Variants in KLRF1 observed in about 807,000 individuals in gnomAD.
KLRF1 encodes killer cell lectin-like receptor subfamily F member 1.
In KLRF1, 27 loss-of-function variants were observed where a neutral mutation model predicts 30.7. The observed-to-expected ratio is 0.88, with a 90% confidence interval of 0.65 to 1.21. KLRF1 has a LOEUF of 1.21. KLRF1 is among the 50% of genes most tolerant of loss of function. KLRF1 has a pLI of 0.00. For missense variants in KLRF1, 246 were observed against 259.3 expected (o/e 0.95, Z 0.35); for synonymous variants, 92 against 89.3 (o/e 1.03, Z -0.17).
chr12:9,815,563 T>A, the KLRF1 span, among the ~76,000 whole-genome samples: 1 of 152,252 alleles, frequency 6.6e-6, no homozygotes, highest in Non-Finnish European at 1.5e-5. Flanking sequence ...TTCTTTTCTT[T>A]GACTCTGTCC....
chr12:9,834,635 A>C (rs1055833312), intron 3 of KLRF1, among the ~76,000 whole-genome samples: 1 of 152,122 alleles, frequency 6.6e-6, no homozygotes, highest in Non-Finnish European at 1.5e-5. Context: ...ACTAAACGGC[A>C]GATACAAGGT....
chr12:9,817,438 G>T, the KLRF1 span: 1 of 435,514 alleles, frequency 2.3e-6, no homozygotes, highest in South Asian at 1.9e-5. Context: ...AGACGGAGCT[G>T]TTAAACAGGT....
rs73245273 is a variant in KLRF1, at chr12:9,837,834, C to T, written c.335-3978C>T. On this transcript the variant is annotated intron_variant, in intron 3 of 5. Coordinates refer to ENST00000617889, the MANE Select transcript of KLRF1 (RefSeq NM_016523.3). ...CATAGAAACTCATGAAAAACAAACTCAGTTACATGTTGTCTGCTAATTCTA... is the reference window on the plus strand; with the variant it reads ...CATAGAAACTCATGAAAAACAAACTTAGTTACATGTTGTCTGCTAATTCTA... 5.2e-3 allele frequency among the ~76,000 whole-genome samples: 799 copies of T among 152,252 alleles called. 5 individuals are homozygous for T. Among genetic ancestry groups the T allele is most frequent in the African/African-American group, 0.017 (724 of 41,562 alleles).
chr12:9,843,130 T>C (rs1175193945), intron 5 of KLRF1, among the ~76,000 whole-genome samples: 1 of 152,140 alleles, frequency 6.6e-6, no homozygotes, highest in African/African-American at 2.4e-5. Context: ...ATCACAAGGG[T>C]CCTTAGAAGA....
At chr12:9,817,785 T>G in the KLRF1 span, 2 of 198,434 alleles carry the variant, frequency 1.0e-5, no homozygotes, top group Non-Finnish European at 2.3e-5. Context: ...CCACCACAGG[T>G]GCAGGCACTT....
In KLRF1 at chr12:9,842,368, G is replaced by A. The variant is rs1186511259; in HGVS notation, c.522G>A (p.Gly174=). The A allele has an allele frequency of 2.5e-6, 4 of 1,611,934 alleles. No individual in the cohort carries two copies. Among genetic ancestry groups the A allele is most frequent in the Non-Finnish European group, 2.5e-6 (3 of 1,178,596 alleles). Residue 174 remains glycine, a synonymous_variant, in exon 5 of 6, where the codon GGG becomes GGA. Transcript: ENST00000617889. ...NLRQLNYVWI[G]LNFTSLKMTW... ...GACAATTAAACTACGTATGGATTGG[G>A]CTTAACTTTACCTCCTTGAAAATGA...
chr12:9,832,448 T>A (rs2121205028), intron 2 of KLRF1, 34 bp downstream of exon 2: 1 of 1,147,780 alleles, frequency 8.7e-7, no homozygotes, highest in Non-Finnish European at 1.3e-6. Context: ...AATAAAAATA[T>A]GAAAGATGTT....
chr12:9,832,898 G>A (rs11053384), intron 2 of KLRF1, among the ~76,000 whole-genome samples: 12,762 of 152,086 alleles, frequency 0.084, 587 homozygotes, highest in African/African-American at 0.11. Flanking sequence ...GAAAAGAATA[G>A]TCAGGGTGAG....
At chr12:9,843,080 T>C (rs1377111372) in intron 5 of KLRF1, among the ~76,000 whole-genome samples, 1 of 152,282 alleles carries the variant, frequency 6.6e-6, no homozygotes, top group Non-Finnish European at 1.5e-5. Context: ...AATCTCGAGA[T>C]AGGGATATTA....
At chr12:9,807,649 C>G in the KLRF1 span, among the ~76,000 whole-genome samples, 22 of 151,956 alleles carry the variant, frequency 1.4e-4, 1 homozygote, top group African/African-American at 4.6e-4. Flanking sequence ...TTGTTTATTC[C>G]TGTTGATTCA....
chr12:9,822,424 C>A, the KLRF1 span, among the ~76,000 whole-genome samples: 1 of 152,122 alleles, frequency 6.6e-6, no homozygotes, highest in South Asian at 2.1e-4. Flanking sequence ...TGAAGACTAG[C>A]CCTCTAAAAT....
At position 9,827,504 on chromosome 12, in the gene KLRF1, C is replaced by A; in HGVS notation, c.-41C>A. On this transcript the variant is annotated 5_prime_UTR_variant, in exon 1 of 6. Transcript: ENST00000617889. ...TCATTTCATGTTATACTTAATAAAACAAAACATACCTGTATACACACACAT... is the reference window on the plus strand; with the variant it reads ...TCATTTCATGTTATACTTAATAAAAAAAAACATACCTGTATACACACACAT... 3.5e-6 allele frequency: 4 copies of A among 1,143,142 alleles called. No individual in the cohort carries two copies. The highest frequency in any genetic ancestry group is 5.1e-6 in the Non-Finnish European group (4 of 787,936). 70.8% of individuals were successfully genotyped at this position (1,143,142 alleles called of 1,614,324 possible). A position where few individuals can be genotyped will look rare whatever the true frequency, so the allele number is the denominator to read the frequency against.
intron 5 of KLRF1, 138 bp from the exon 6 acceptor site, chr12:9,844,279 AT>A: frequency 1.8e-6 from 1 of 541,594 alleles, no homozygotes; most frequent in Non-Finnish European, 3.3e-6. Flanking sequence ...AGTTACTGTA[AT>A]CGTTAGTGAA....
the KLRF1 span, among the ~76,000 whole-genome samples, chr12:9,808,641 G>T: frequency 1.3e-5 from 2 of 152,144 alleles, no homozygotes; most frequent in African/African-American, 4.8e-5. Flanking sequence ...CAATCATGCA[G>T]CCTTGGTTTG....
At chr12:9,806,732 A>G in the KLRF1 span, among the ~76,000 whole-genome samples, 10 of 151,974 alleles carry the variant, frequency 6.6e-5, no homozygotes, top group African/African-American at 2.4e-4. Context: ...CCCAGACTGG[A>G]GTACAGTGGT....
chr12:9,821,473 C>G, the KLRF1 span, among the ~76,000 whole-genome samples: 1 of 152,166 alleles, frequency 6.6e-6, no homozygotes, highest in Non-Finnish European at 1.5e-5. Context: ...TGCACACTTC[C>G]CCTGCTCATC....
upstream of KLRF1, among the ~76,000 whole-genome samples, chr12:9,826,385 T>C (rs1160649941): frequency 6.6e-6 from 1 of 152,132 alleles, no homozygotes; most frequent in Non-Finnish European, 1.5e-5. Flanking sequence ...AAATAACAGA[T>C]GCTGATGAGG....
chr12:9,812,840 G>A, the KLRF1 span, among the ~76,000 whole-genome samples: 4 of 152,244 alleles, frequency 2.6e-5, no homozygotes, highest in African/African-American at 9.6e-5. Flanking sequence ...TTTTGAGACA[G>A]AATATTGTTG....
At chr12:9,805,691 T>G in the KLRF1 span, among the ~76,000 whole-genome samples, 3 of 152,076 alleles carry the variant, frequency 2.0e-5, no homozygotes, top group African/African-American at 7.2e-5. Context: ...CTGATTTAAT[T>G]TCTTTACTTT....
Sources: gnomAD v4.1 joint callset for allele counts (sites outside exome capture counted in the v4.1 genomes callset) on GRCh38, gnomAD v4.1.1 for gene constraint, MANE v1.5 for transcripts, NCBI Gene and HGNC (gene_info 2026-07-23, HGNC 2026-07-21) for gene names.